Variants in MYO16 observed in about 807,000 individuals in gnomAD.
MYO16 encodes myosin XVI, also known as unconventional myosin-XVI.
MYO16 carries 94 observed loss-of-function variants against 205.3 expected under a neutral mutation model. The ratio of observed to expected loss-of-function variants is 0.46; its 90% CI spans 0.39 to 0.54. MYO16 has a LOEUF of 0.54. Ranked by LOEUF, MYO16 falls within the 20% of genes least tolerant of loss-of-function variation. The probability of loss-of-function intolerance (pLI) is 0.00; values close to 1 mark genes in which losing one functional copy is unlikely to be tolerated. For missense variants in MYO16, 2,315 were observed against 2,387.5 expected, an observed-to-expected ratio of 0.97 and a Z score of 0.63; for synonymous variants, 988 against 954.0, an observed-to-expected ratio of 1.04 and a Z score of -0.66.
chr13:109,047,467 CAAGT>C (rs1384205080), intron 24 of MYO16, among the ~76,000 whole-genome samples: 1 of 151,960 alleles, frequency 6.6e-6, no homozygotes, highest in East Asian at 1.9e-4. Context: ...TATGTATACA[CAAGT>C]AAGTTTAAAT....
intron 32 of MYO16, among the ~76,000 whole-genome samples, chr13:109,154,076 G>A (rs1236472762): frequency 1.3e-5 from 2 of 152,240 alleles, no homozygotes; most frequent in Admixed American, 6.5e-5. Context: ...CAAAGACACG[G>A]TCCATGTAGC....
chr13:108,690,886 A>T (rs1882869593), intron 2 of MYO16, among the ~76,000 whole-genome samples: 2 of 152,218 alleles, frequency 1.3e-5, no homozygotes, highest in Non-Finnish European at 2.9e-5. Flanking sequence ...GGTGGCGGGT[A>T]GGGGAAGAGT....
Position 108,898,014 on chromosome 13 carries a change from A to G in MYO16, c.1660-2A>G. On this transcript the variant is annotated splice_acceptor_variant, in intron 14 of 34. Coordinates refer to ENST00000457511, the MANE Select transcript of MYO16 (RefSeq NM_001198950.3). LOFTEE classifies it high-confidence loss of function. ...TCAGTAAAATGTTCTCCTCTCCCAC[A>G]GGTCGTGTGCATCTTAGAAGCCTTT... 6.2e-7 allele frequency: 1 copy of G among 1,603,638 alleles called. No individual in the cohort carries two copies.
At chr13:108,904,413 T>C (rs1409953447) in intron 15 of MYO16, among the ~76,000 whole-genome samples, 1 of 152,196 alleles carries the variant, frequency 6.6e-6, no homozygotes, top group Non-Finnish European at 1.5e-5. Context: ...GTTTTAGCCA[T>C]ACAGTACCTT....
chr13:109,090,451 AG>A (rs1409059030), intron 27 of MYO16, among the ~76,000 whole-genome samples: 1 of 152,192 alleles, frequency 6.6e-6, no homozygotes, highest in Non-Finnish European at 1.5e-5. Flanking sequence ...CTCCAGTTCA[AG>A]GGCACGGCAA....
intron 2 of MYO16, among the ~76,000 whole-genome samples, chr13:108,694,593 T>A (rs1380595266): frequency 6.6e-6 from 1 of 152,226 alleles, no homozygotes; most frequent in African/African-American, 2.4e-5. Flanking sequence ...GAGTTCTTGG[T>A]ATACACATTT....
chr13:108,838,676 A>ATATAT (rs1298886857), intron 9 of MYO16, among the ~76,000 whole-genome samples: 7 of 110,848 alleles, frequency 6.3e-5, no homozygotes, highest in South Asian at 6.2e-4. Context: ...AAAAAAAAAA[A>ATATAT]AAATATATAT....
chr13:109,066,480 A>G (rs1887752092), intron 27 of MYO16, among the ~76,000 whole-genome samples: 1 of 152,194 alleles, frequency 6.6e-6, no homozygotes, highest in Non-Finnish European at 1.5e-5. Context: ...TAACTTTTCA[A>G]TGAAATGTAA....
the MYO16 span, among the ~76,000 whole-genome samples, chr13:108,506,748 T>C: frequency 6.6e-6 from 1 of 152,278 alleles, no homozygotes; most frequent in East Asian, 1.9e-4. Context: ...GTGGGCATCT[T>C]GCCTTGTTCC....
intron 1 of MYO16, among the ~76,000 whole-genome samples, chr13:108,612,522 A>T (rs9559377): frequency 6.6e-6 from 1 of 151,796 alleles, no homozygotes; most frequent in East Asian, 1.9e-4. Context: ...TTAACATTTA[A>T]CATGTGCCAA....
intron 15 of MYO16, among the ~76,000 whole-genome samples, chr13:108,899,355 G>A (rs191631115): frequency 2.1e-4 from 32 of 152,064 alleles, no homozygotes; most frequent in South Asian, 8.3e-4. Context: ...CCCAGGAGGC[G>A]GAGGTTGCAG....
chr13:109,194,753 G>T, intron 34 of MYO16, among the ~76,000 whole-genome samples: 1 of 152,062 alleles, frequency 6.6e-6, no homozygotes, highest in Non-Finnish European at 1.5e-5. Context: ...ATATGGGCTT[G>T]ATTCTTTCTT....
At chr13:108,598,835 C>A (rs1037729987) in intron 1 of MYO16, among the ~76,000 whole-genome samples, 2 of 142,662 alleles carry the variant, frequency 1.4e-5, no homozygotes, top group African/African-American at 2.6e-5. Flanking sequence ...TGTAGGTATT[C>A]TTTTTCTTTT....
At chr13:108,565,090 C>G in the MYO16 span, among the ~76,000 whole-genome samples, 2 of 152,160 alleles carry the variant, frequency 1.3e-5, no homozygotes, top group Non-Finnish European at 2.9e-5. Context: ...AATATGATTA[C>G]TCCAGCTTTA....
intron 3 of MYO16, among the ~76,000 whole-genome samples, chr13:108,716,288 A>G (rs557048223): frequency 6.6e-6 from 1 of 152,334 alleles, no homozygotes; most frequent in East Asian, 1.9e-4. Context: ...AGATTCATAA[A>G]TGGTAGCATC....
chr13:109,125,140 C>T lies in MYO16; in HGVS notation c.3564C>T (p.His1188=). 6.2e-7 allele frequency: 1 copy of T among 1,614,156 alleles called. No individual in the cohort carries two copies. The highest frequency in any genetic ancestry group is 8.5e-7 in the Non-Finnish European group (1 of 1,180,012). Reference sequence around the variant, plus strand: ...TCAGAGGATTTTTAGCACGCCAGCACCTGCTTCAGAGAATAAGCATCAGAC... The same window carrying T: ...TCAGAGGATTTTTAGCACGCCAGCATCTGCTTCAGAGAATAAGCATCAGAC... ...KVIRGFLARQ[H]LLQRISIRQQ... The change falls in exon 30 of 35, where the codon CAC becomes CAT. Residue 1188 remains histidine (H), a synonymous_variant. Transcript: ENST00000457511. This position sits in a 1 kb window ranked among gnomAD's most constrained non-coding sequence, Gnocchi z 4.0.
intron 18 of MYO16, among the ~76,000 whole-genome samples, 161 bp downstream of exon 18, chr13:108,961,817 A>G (rs1459355593): frequency 4.6e-5 from 7 of 152,178 alleles, no homozygotes; most frequent in African/African-American, 1.7e-4. Context: ...GTTTTTTCTT[A>G]AAATCTGTTG....
chr13:108,509,913 G>A, the MYO16 span, among the ~76,000 whole-genome samples: 4 of 152,010 alleles, frequency 2.6e-5, no homozygotes, highest in Non-Finnish European at 4.4e-5. Context: ...TACAGTCATG[G>A]TGCTGTCATC....
chr13:108,582,445 C>G, the MYO16 span, among the ~76,000 whole-genome samples: 1 of 152,186 alleles, frequency 6.6e-6, no homozygotes, highest in Non-Finnish European at 1.5e-5. Context: ...AGAGGATATT[C>G]TGACCAAGAG....
Sources: allele counts gnomAD v4.1 joint callset (sites outside exome capture counted in the v4.1 genomes callset), GRCh38; gene constraint gnomAD v4.1.1; non-coding constraint Gnocchi (gnomAD v3.1); transcripts MANE v1.5; gene names NCBI Gene and HGNC (gene_info 2026-07-23, HGNC 2026-07-21).